GTF2H3: variants seen among roughly 807,000 people sequenced by gnomAD.
GTF2H3 encodes general transcription factor IIH subunit 3, also known as TFIIH basal transcription factor complex p34 subunit.
GTF2H3 carries 42 observed loss-of-function variants against 51.1 expected under a neutral mutation model. The observed-to-expected ratio is 0.82, with a 90% confidence interval of 0.64 to 1.06. GTF2H3 has a LOEUF of 1.06. Among genes scored for constraint, GTF2H3 ranks in the 50% least tolerant of loss-of-function variants. The pLI is 0.00. For synonymous variants in GTF2H3, 123 were observed against 123.8 expected (o/e 0.99, Z 0.04); for missense variants, 326 against 366.1 (o/e 0.89, Z 0.89).
intron 2 of GTF2H3, among the ~76,000 whole-genome samples, chr12:123,642,550 G>A (rs923800361): frequency 6.6e-6 from 1 of 152,134 alleles, no homozygotes; most frequent in Admixed American, 6.5e-5. Flanking sequence ...CATATCTTTT[G>A]GGGGGACATA....
rs187099672 is a variant in GTF2H3, at chr12:123,642,152, C to A, written c.93+2809C>A. On this transcript the variant is annotated intron_variant, in intron 2 of 12. Coordinates refer to ENST00000543341, the MANE Select transcript of GTF2H3 (RefSeq NM_001516.5). ...TACAGGCATGAGCCACTGCACCCAGCCTTCAGTTATTTTCTTTTTCTTTTC... is the reference window on the plus strand; with the variant it reads ...TACAGGCATGAGCCACTGCACCCAGACTTCAGTTATTTTCTTTTTCTTTTC... Among the ~76,000 whole-genome samples, 10 of 148,252 alleles carry A rather than the reference C, an allele frequency of 6.7e-5. No homozygotes were observed. The Admixed American group carries it at 6.8e-4, about 10-fold the overall frequency.
chr12:123,654,866 A>G (rs1955566997), intron 7 of GTF2H3, 58 bp from the exon 8 acceptor site: 1 of 1,133,908 alleles, frequency 8.8e-7, no homozygotes, highest in African/African-American at 1.5e-5. Context: ...ATTGTGTGAC[A>G]TTGGTGTGAG....
intron 4 of GTF2H3, chr12:123,650,470 T>A (rs749096290): frequency 1.9e-5 from 3 of 155,386 alleles, no homozygotes; most frequent in Non-Finnish European, 4.3e-5. Context: ...ATGAATAAAC[T>A]GGAACCTTTC....
chr12:123,655,495 C>T, intron 8 of GTF2H3: 1 of 396,810 alleles, frequency 2.5e-6, no homozygotes, highest in Non-Finnish European at 4.5e-6. Flanking sequence ...GCATAATGTT[C>T]TCTGTTGTGG....
At chr12:123,646,776 A>G (rs891563240) in intron 3 of GTF2H3, among the ~76,000 whole-genome samples, 1 of 151,808 alleles carries the variant, frequency 6.6e-6, no homozygotes, top group Non-Finnish European at 1.5e-5. Context: ...AGTTTGGTTA[A>G]AATACCAGTA....
intron 1 of GTF2H3, 48 bp downstream of exon 1, chr12:123,633,920 C>T (rs773013763): frequency 5.6e-6 from 9 of 1,604,966 alleles, no homozygotes; most frequent in South Asian, 2.2e-5. Flanking sequence ...TCGGCTGTCT[C>T]GGTCCGGCTA....
intron 7 of GTF2H3, among the ~76,000 whole-genome samples, chr12:123,653,822 A>T (rs551906191): frequency 7.2e-5 from 11 of 152,162 alleles, no homozygotes; most frequent in Non-Finnish European, 1.6e-4. Context: ...CATTTTGGTA[A>T]TCTGTGTCAA....
chr12:123,659,911 C>T lies in GTF2H3; in HGVS notation c.801C>T (p.Val267=). ...GAAATCTCATTGAAATTGGTTATGT[C>T]TGTTCTGTGTGTTTGTCAAGTAAGT... The part of the protein sequence containing the change: ...CHRNLIEIGY[V]CSVCLSIFCN... Residue 267 remains valine, a synonymous_variant, in exon 11 of 13, where the codon GTC becomes GTT. Transcript: ENST00000543341. 1.9e-6 allele frequency: 3 copies of T among 1,613,780 alleles called. No homozygotes were observed. Among genetic ancestry groups the T allele is most frequent in the Non-Finnish European group, 2.5e-6 (3 of 1,179,982 alleles).
At chr12:123,641,534 T>G (rs1227136667) in intron 2 of GTF2H3, among the ~76,000 whole-genome samples, 1 of 143,872 alleles carries the variant, frequency 7.0e-6, no homozygotes, top group African/African-American at 2.9e-5. Context: ...CCCGTTTTTT[T>G]TTTTGTGTGT....
At chr12:123,643,211 C>A (rs1955402989) in intron 2 of GTF2H3, among the ~76,000 whole-genome samples, 1 of 152,164 alleles carries the variant, frequency 6.6e-6, no homozygotes, top group Admixed American at 6.5e-5. Flanking sequence ...GCTATGGATA[C>A]AAGAATTCAG....
intron 1 of GTF2H3, among the ~76,000 whole-genome samples, chr12:123,637,147 T>A (rs190035507): frequency 4.6e-5 from 7 of 152,110 alleles, no homozygotes; most frequent in African/African-American, 1.7e-4. Context: ...TACTCACAGG[T>A]TTGTATGTCT....
At chr12:123,659,258 T>C in intron 9 of GTF2H3, 2 of 414,530 alleles carry the variant, frequency 4.8e-6, no homozygotes, top group South Asian at 5.2e-5. Context: ...TCCCAGTTAC[T>C]GGGGAAGCTG....
intron 2 of GTF2H3, among the ~76,000 whole-genome samples, chr12:123,642,969 G>T (rs866068864): frequency 2.6e-5 from 4 of 152,018 alleles, no homozygotes; most frequent in African/African-American, 7.3e-5. Flanking sequence ...CCACCTCCCG[G>T]GTTCAAGCAA....
intron 4 of GTF2H3, chr12:123,649,975 G>A (rs1035207042): frequency 1.3e-5 from 2 of 152,180 alleles, no homozygotes. Flanking sequence ...CTGATTCACT[G>A]GATCTAGGGA....
chr12:123,661,378 C>A lies in GTF2H3; in HGVS notation c.*1143C>A, dbSNP rs1041817934. 1 of 151,606 alleles carries A rather than the reference C, an allele frequency of 6.6e-6. No homozygotes were observed. Among genetic ancestry groups the A allele is most frequent in the Non-Finnish European group, 1.5e-5 (1 of 67,972 alleles). 9.4% of individuals were successfully genotyped at this position (151,606 alleles called of 1,614,324 possible). A position where few individuals can be genotyped will look rare whatever the true frequency, so the allele number is the denominator to read the frequency against. The stretch of plus-strand genomic sequence containing the variant: ...ACTGACGAGGCCGGGCGTGGTGGCT[C>A]ACCCCTGCAATCCCAGCACTTTGGG... On this transcript the variant is annotated 3_prime_UTR_variant, in exon 13 of 13. Transcript: ENST00000543341.
chr12:123,635,236 G>C (rs114412204), intron 1 of GTF2H3, among the ~76,000 whole-genome samples: 2 of 152,140 alleles, frequency 1.3e-5, no homozygotes, highest in African/African-American at 4.8e-5. Flanking sequence ...GTGCTTTGTT[G>C]TGTGATTTAC....
chr12:123,652,570 C>T lies in GTF2H3; in HGVS notation c.457+9C>T, dbSNP rs745743714. 5.4e-6 allele frequency: 8 copies of T among 1,493,810 alleles called. No homozygotes were observed. In the East Asian group the frequency reaches 1.8e-4, roughly 34 times the overall value. 92.5% of individuals were successfully genotyped at this position (1,493,810 alleles called of 1,614,324 possible). A position where few individuals can be genotyped will look rare whatever the true frequency, so the allele number is the denominator to read the frequency against. ...GAACAAGGAAGTTAAAGGTAAGAGC[C>T]TACGTTTTCCTATGAGAACTGTAAT... On this transcript the variant is annotated intron_variant, in intron 6 of 12. Transcript: ENST00000543341.
At chr12:123,639,131 C>T (rs572685384) in intron 1 of GTF2H3, 133 bp from the exon 2 acceptor site, 1 of 574,058 alleles carries the variant, frequency 1.7e-6, no homozygotes, top group African/African-American at 1.9e-5. Context: ...CTGTTAATCT[C>T]ATAATTATAA....
At chr12:123,646,873 T>A (rs982956723) in intron 3 of GTF2H3, among the ~76,000 whole-genome samples, 1 of 151,088 alleles carries the variant, frequency 6.6e-6, no homozygotes, top group East Asian at 1.9e-4. Context: ...AGGCCATGGC[T>A]GGGTGCGGTG....
Sources: allele counts gnomAD v4.1 joint callset (sites outside exome capture counted in the v4.1 genomes callset), GRCh38; gene constraint gnomAD v4.1.1; transcripts MANE v1.5; gene names NCBI Gene and HGNC (gene_info 2026-07-23, HGNC 2026-07-21).